RHOT1: variants seen among roughly 807,000 people sequenced by gnomAD.
The protein encoded by RHOT1 is mitochondrial Rho GTPase 1.
A neutral mutation model predicts 95.3 loss-of-function variants in RHOT1; 27 were observed. The observed-to-expected ratio is 0.28, with a 90% CI of 0.21 to 0.39. RHOT1 has a LOEUF of 0.39. Among genes scored for constraint, RHOT1 ranks in the 10% least tolerant of loss-of-function variants. The probability of loss-of-function intolerance (pLI) is 1.00; values close to 1 mark genes in which losing one functional copy is unlikely to be tolerated. For missense variants in RHOT1, 578 were observed against 786.7 expected (o/e 0.73, Z 3.17); for synonymous variants, 227 against 263.5 (o/e 0.86, Z 1.34).
At chr17:32,152,125 C>T (rs1261333386) in intron 1 of RHOT1, among the ~76,000 whole-genome samples, 1 of 152,136 alleles carries the variant, frequency 6.6e-6, no homozygotes, top group African/African-American at 2.4e-5. Context: ...CAGAATTGCC[C>T]CCACTCTTTG....
intron 19 of RHOT1, 25 bp downstream of exon 19, chr17:32,211,263 C>T: frequency 4.5e-6 from 7 of 1,567,482 alleles, no homozygotes; most frequent in Non-Finnish European, 4.4e-6. Context: ...TTACTGGGTA[C>T]CAGGCATTCT....
chr17:32,200,356 C>CA (rs1274747140), intron 13 of RHOT1, among the ~76,000 whole-genome samples: 2 of 151,826 alleles, frequency 1.3e-5, no homozygotes, highest in South Asian at 4.2e-4. Flanking sequence ...TAGATTTTAC[C>CA]AGCCACTCAC....
chr17:32,195,518 A>G (rs2036813001), intron 11 of RHOT1, among the ~76,000 whole-genome samples: 1 of 152,162 alleles, frequency 6.6e-6, no homozygotes, highest in African/African-American at 2.4e-5. Flanking sequence ...TCCTTCTTCT[A>G]TACCCCAGGG....
At chr17:32,161,097 CTTAA>C (rs1179503953) in intron 1 of RHOT1, among the ~76,000 whole-genome samples, 3 of 152,160 alleles carry the variant, frequency 2.0e-5, no homozygotes, top group Admixed American at 6.5e-5. Flanking sequence ...AAAGAAATAA[CTTAA>C]TTAACACAAG....
intron 1 of RHOT1, among the ~76,000 whole-genome samples, chr17:32,149,609 A>ATG (rs1429872003): frequency 8.3e-4 from 64 of 76,958 alleles, no homozygotes; most frequent in African/African-American, 6.0e-3. Flanking sequence ...ATATATATAT[A>ATG]TATATATATA....
intron 6 of RHOT1, among the ~76,000 whole-genome samples, chr17:32,181,033 G>GA (rs2035595422): frequency 6.6e-6 from 1 of 152,158 alleles, no homozygotes; most frequent in Admixed American, 6.5e-5. Flanking sequence ...GTTCTGGTAG[G>GA]AATTTATATT....
rs764297048 is a variant in RHOT1 at position 32,203,876 on chromosome 17, G to A, written c.1333-14G>A. 31 of 1,596,918 alleles carry A rather than the reference G, an allele frequency of 1.9e-5. No homozygotes were observed. Among genetic ancestry groups the A allele is most frequent in the Middle Eastern group, 1.7e-4 (1 of 6,052 alleles). On this transcript the variant is annotated splice_polypyrimidine_tract_variant and intron_variant, in intron 15 of 19. Transcript: ENST00000545287. The stretch of plus-strand genomic sequence containing the variant: ...AGTTACTGCAGATATTGAGATTTTC[G>A]GTTCTGTTTTCAGAGGCAGAAGAAA...
At chr17:32,178,232 C>T (rs1237996973) in intron 6 of RHOT1, among the ~76,000 whole-genome samples, 1 of 147,186 alleles carries the variant, frequency 6.8e-6, no homozygotes, top group Non-Finnish European at 1.5e-5. Flanking sequence ...CCCTCTCTTG[C>T]CGAGTCTGGA....
At chr17:32,161,820 A>G (rs1262525553) in intron 1 of RHOT1, among the ~76,000 whole-genome samples, 2 of 152,244 alleles carry the variant, frequency 1.3e-5, no homozygotes, top group Non-Finnish European at 2.9e-5. Context: ...CCACAAATTC[A>G]GGGCTTCCTA....
rs768586439 is a variant in RHOT1 at position 32,169,095 on chromosome 17, G to A, written c.38-1948G>A. Among the ~76,000 whole-genome samples the A allele has an allele frequency of 6.6e-5, 10 of 152,218 alleles. No individual in the cohort carries two copies. The South Asian group carries it at 1.5e-3, about 22-fold the overall frequency. ...ATCTATCCCTCTACCAGCGGTACTC[G>A]GTTGTTCATAGCCCTCTCTAAGCTG... is the stretch of plus-strand genomic sequence containing the variant. On this transcript the variant is annotated intron_variant, in intron 1 of 19. Coordinates refer to ENST00000545287, the MANE Select transcript of RHOT1 (RefSeq NM_001033566.3).
At chr17:32,148,447 A>T (rs2031718494) in intron 1 of RHOT1, among the ~76,000 whole-genome samples, 1 of 152,240 alleles carries the variant, frequency 6.6e-6, no homozygotes, top group Non-Finnish European at 1.5e-5. Context: ...TCACATATGT[A>T]CTGAAACCTA....
At chr17:32,210,726 G>A (rs1360337646) in intron 18 of RHOT1, among the ~76,000 whole-genome samples, 6 of 151,956 alleles carry the variant, frequency 3.9e-5, no homozygotes, top group East Asian at 1.9e-4. Context: ...TTATTTAAAC[G>A]CTAGCAAACT....
chr17:32,207,916 A>G (rs2142891717), intron 17 of RHOT1, among the ~76,000 whole-genome samples, 191 bp from the exon 18 acceptor site: 1 of 152,314 alleles, frequency 6.6e-6, no homozygotes, highest in Middle Eastern at 3.4e-3. Context: ...TCAGCATTGG[A>G]AAAGTGATCT....
At chr17:32,220,452 TGAA>T (rs1263900020) in intron 19 of RHOT1, among the ~76,000 whole-genome samples, 3 of 152,316 alleles carry the variant, frequency 2.0e-5, no homozygotes, top group Non-Finnish European at 2.9e-5. Flanking sequence ...CCATAATTGA[TGAA>T]GAAGTCCATA....
At chr17:32,196,809 G>C (rs1291511659) in intron 11 of RHOT1, among the ~76,000 whole-genome samples, 1 of 152,194 alleles carries the variant, frequency 6.6e-6, no homozygotes, top group South Asian at 2.1e-4. Context: ...CACATTCTTA[G>C]CTCCTGCCTC....
At chr17:32,177,863 TGCCCAG>T (rs2035146287) in intron 6 of RHOT1, among the ~76,000 whole-genome samples, 1 of 149,610 alleles carries the variant, frequency 6.7e-6, no homozygotes, top group South Asian at 2.2e-4. Context: ...TCCACTCTGT[TGCCCAG>T]GCTGGAGTGC....
Position 32,166,187 on chromosome 17 carries a change from CA to C in RHOT1, c.38-4839del, listed in dbSNP as rs200254466. Among the ~76,000 whole-genome samples, 708 of 106,464 alleles carry C rather than the reference CA, an allele frequency of 6.7e-3. 3 individuals carry two copies. The highest frequency in any genetic ancestry group is 0.016 in the Middle Eastern group (3 of 182). The allele number at this position is 106,464 out of a possible 152,430, so 69.8% of individuals were successfully genotyped here. Reference sequence around the variant, plus strand: ...TGGGTGACACAGCGAGACTCTATCTCAAAAAAAAAAAAAAAAAGTTATGTTC... The same window carrying C: ...TGGGTGACACAGCGAGACTCTATCTCAAAAAAAAAAAAAAAAGTTATGTTC... On this transcript the variant is annotated intron_variant, in intron 1 of 19. Transcript: ENST00000545287.
chr17:32,168,396 A>C (rs983825488), intron 1 of RHOT1, among the ~76,000 whole-genome samples: 3 of 152,014 alleles, frequency 2.0e-5, no homozygotes, highest in Non-Finnish European at 4.4e-5. Context: ...CAGCCTCGCA[A>C]GTAGCTGGGA....
At chr17:32,218,446 G>A (rs1295637654) in intron 19 of RHOT1, among the ~76,000 whole-genome samples, 1 of 151,386 alleles carries the variant, frequency 6.6e-6, no homozygotes, top group East Asian at 1.9e-4. Context: ...GGTCAAAGCT[G>A]TAGTGAGCTG....
Sources: gnomAD v4.1 joint callset for allele counts (sites outside exome capture counted in the v4.1 genomes callset) on GRCh38, gnomAD v4.1.1 for gene constraint, MANE v1.5 for transcripts, NCBI Gene and HGNC (gene_info 2026-07-23, HGNC 2026-07-21) for gene names.